MGA: variants seen among roughly 807,000 people sequenced by gnomAD.
MGA encodes MAX dimerization protein MGA.
In MGA, 40 loss-of-function variants were observed where a neutral mutation model predicts 261.1. The observed-to-expected ratio is 0.15, with a 90% CI of 0.12 to 0.20. MGA has a LOEUF of 0.20. MGA is among the 10% of genes least tolerant of loss of function. The probability of loss-of-function intolerance (pLI) is 1.00; values close to 1 mark genes in which losing one functional copy is unlikely to be tolerated. For missense variants in MGA, 3,397 were observed against 3,630.5 expected, an observed-to-expected ratio of 0.94 and a Z score of 1.65; for synonymous variants, 1,302 against 1,290.6, an observed-to-expected ratio of 1.01 and a Z score of -0.19.
In MGA at chr15:41,762,329, T is replaced by C. The variant is rs1208167168; in HGVS notation, c.7711T>C (p.Leu2571=). The stretch of plus-strand genomic sequence containing the variant: ...TATAAATAACAGGAGGGGGAAACCT[T>C]TGATTCTTTCCAGAAAAAAAGACCA... The change falls in exon 22 of 24, where the codon TTG becomes CTG. Residue 2571 remains leucine, a synonymous_variant. Transcript: ENST00000219905. The C allele has an allele frequency of 1.2e-6, 2 of 1,613,766 alleles. No individual in the cohort carries two copies. Among genetic ancestry groups the C allele is most frequent in the Admixed American group, 3.3e-5 (2 of 59,998 alleles).
intron 18 of MGA, among the ~76,000 whole-genome samples, chr15:41,757,113 G>T (rs1356878642): frequency 2.0e-5 from 3 of 152,112 alleles, no homozygotes; most frequent in African/African-American, 7.2e-5. Context: ...CTGTATTTTT[G>T]AGATGTATTA....
chr15:41,670,646 C>T (rs1372755424), intron 2 of MGA, among the ~76,000 whole-genome samples: 7 of 152,168 alleles, frequency 4.6e-5, no homozygotes, highest in African/African-American at 1.7e-4. Flanking sequence ...GCTGGGACTA[C>T]AGGCGCCCGT....
upstream of MGA, among the ~76,000 whole-genome samples, chr15:41,656,031 G>C (rs1234050164): frequency 2.0e-5 from 3 of 152,116 alleles, no homozygotes; most frequent in Non-Finnish European, 4.4e-5. Context: ...GAATAGAGTG[G>C]AGCTAATGGT....
intron 2 of MGA, among the ~76,000 whole-genome samples, chr15:41,674,348 A>C: frequency 6.6e-6 from 1 of 150,714 alleles, no homozygotes; most frequent in East Asian, 2.0e-4. Flanking sequence ...GGTGCCTACC[A>C]CCATGCCCGA....
chr15:41,727,459 A>G, intron 10 of MGA, 53 bp downstream of exon 10: 1 of 1,527,128 alleles, frequency 6.5e-7, no homozygotes, highest in Non-Finnish European at 9.0e-7. Flanking sequence ...ATGTGTAAAG[A>G]TGGTGTGTTT....
chr15:41,655,293 C>T (rs972980741), intron 1 of MGA, among the ~76,000 whole-genome samples: 1 of 151,498 alleles, frequency 6.6e-6, no homozygotes, highest in Non-Finnish European at 1.5e-5. Flanking sequence ...ATTCTTGTGC[C>T]TCAGCCTCCC....
intron 20 of MGA, among the ~76,000 whole-genome samples, chr15:41,760,748 T>C (rs76547375): frequency 7.2e-6 from 1 of 139,644 alleles, no homozygotes. Context: ...TTTTTTTTTT[T>C]CTTTTGAGAC....
Position 41,767,202 on chromosome 15 carries a change from C to G in MGA, c.9120C>G (p.Ser3040Arg). Residue 3040 changes from serine (S) to arginine (R), a missense_variant, in exon 24 of 24, where the codon AGC (serine) becomes AGG (arginine). Ser to Arg is a moderately radical substitution (Grantham distance 110). Coordinates refer to ENST00000219905, the MANE Select transcript of MGA (RefSeq NM_001164273.2). ...GGAATGACCAGGAAGGCCGGGAAAG[C>G]AAGGTGATGCCTACATTGGCACCTG... 2 of 1,614,028 alleles carry G rather than the reference C, an allele frequency of 1.2e-6. No individual in the cohort carries two copies. The highest frequency in any genetic ancestry group is 8.5e-7 in the Non-Finnish European group (1 of 1,179,904).
intron 2 of MGA, chr15:41,684,829 A>G (rs1466695971): frequency 6.5e-6 from 1 of 152,808 alleles, no homozygotes; most frequent in Admixed American, 6.5e-5. Flanking sequence ...GGGAAAGGGA[A>G]AAGAGTGGGC....
intron 9 of MGA, among the ~76,000 whole-genome samples, chr15:41,715,956 G>A (rs2060612602): frequency 6.6e-6 from 1 of 152,176 alleles, no homozygotes; most frequent in African/African-American, 2.4e-5. Flanking sequence ...AGCAGGAATA[G>A]TGCTTACCTC....
intron 11 of MGA, among the ~76,000 whole-genome samples, chr15:41,733,566 T>G (rs964042783): frequency 4.6e-5 from 7 of 152,186 alleles, no homozygotes; most frequent in African/African-American, 1.7e-4. Flanking sequence ...GGAAAACCAC[T>G]AAAGGTATAA....
chr15:41,622,459 TG>T (rs2056327776), intron 1 of MGA, among the ~76,000 whole-genome samples: 1 of 151,866 alleles, frequency 6.6e-6, no homozygotes, highest in Non-Finnish European at 1.5e-5. Flanking sequence ...GGAAACCTGG[TG>T]GAGGTAATTT....
intron 9 of MGA, among the ~76,000 whole-genome samples, chr15:41,717,118 G>C (rs1296863407): frequency 2.0e-5 from 3 of 150,392 alleles, no homozygotes; most frequent in African/African-American, 7.4e-5. Context: ...GTGAGTTGTA[G>C]GGGACTGCCA....
At chr15:41,676,554 G>T (rs2412625) in intron 2 of MGA, among the ~76,000 whole-genome samples, 108,477 of 152,052 alleles carry the variant, frequency 0.71, 40,596 homozygotes, top group East Asian at 0.89. Flanking sequence ...TAGAATCCTG[G>T]TTTTTTTTCT....
At chr15:41,741,460 T>C (rs1383128523) in intron 14 of MGA, among the ~76,000 whole-genome samples, 1 of 152,124 alleles carries the variant, frequency 6.6e-6, no homozygotes, top group African/African-American at 2.4e-5. Flanking sequence ...GAGAAATGTC[T>C]TTATATATTT....
In MGA at chr15:41,652,144, T is replaced by A. The variant is rs183094016; in HGVS notation, c.-67-16684T>A. Among the ~76,000 whole-genome samples the A allele has an allele frequency of 4.8e-3, 706 of 148,460 alleles. 5 individuals carry two copies. The highest frequency in any genetic ancestry group is 0.017 in the African/African-American group (664 of 40,210). On this transcript the variant is annotated intron_variant, in intron 1 of 8. Coordinates refer to the MGA transcript ENST00000566718. ...CCTCGCCCGGCTAATTTTTTTTTTT[T>A]ATTGTATTTTTAGTAGAGATGGGGT... is the stretch of plus-strand genomic sequence containing the variant.
chr15:41,752,926 A>C (rs911592541), intron 17 of MGA, among the ~76,000 whole-genome samples: 2 of 152,180 alleles, frequency 1.3e-5, no homozygotes, highest in African/African-American at 4.8e-5. Flanking sequence ...CAAGCAAACA[A>C]GTTATACTGA....
intron 2 of MGA, among the ~76,000 whole-genome samples, chr15:41,691,360 C>T (rs752065245): frequency 8.6e-5 from 13 of 151,962 alleles, no homozygotes; most frequent in Non-Finnish European, 1.6e-4. Context: ...TGTAGAAAAA[C>T]AATTTGTGTG....
chr15:41,709,003 TA>T (rs1312424881), intron 7 of MGA, among the ~76,000 whole-genome samples: 1 of 152,222 alleles, frequency 6.6e-6, no homozygotes, highest in Non-Finnish European at 1.5e-5. Context: ...ACAGTATTTA[TA>T]ACAATGTAAT....
Sources: gnomAD v4.1 joint callset for allele counts (sites outside exome capture counted in the v4.1 genomes callset) on GRCh38, gnomAD v4.1.1 for gene constraint, MANE v1.5 for transcripts, NCBI Gene and HGNC (gene_info 2026-07-23, HGNC 2026-07-21) for gene names.